NALCN: variants seen among roughly 807,000 people sequenced by gnomAD.
The protein encoded by NALCN is sodium leak channel NALCN.
Under a neutral mutation model 225.3 loss-of-function variants are expected in NALCN, and 111 were observed. That is an observed-to-expected ratio of 0.49 (90% CI 0.42 to 0.58). NALCN has a LOEUF of 0.58. NALCN is among the 20% of genes least tolerant of loss of function. The pLI is 0.00. For synonymous variants in NALCN, 764 were observed against 769.0 expected, an observed-to-expected ratio of 0.99 and a Z score of 0.11; for missense variants, 1,378 against 2,202.4, an observed-to-expected ratio of 0.63 and a Z score of 7.49.
At chr13:101,413,496 A>G (rs551163261) in intron 1 of NALCN, among the ~76,000 whole-genome samples, 38 of 152,082 alleles carry the variant, frequency 2.5e-4, no homozygotes, top group African/African-American at 8.7e-4. Flanking sequence ...TTATACAGCC[A>G]TTTACAATTT....
intron 6 of NALCN, among the ~76,000 whole-genome samples, chr13:101,363,991 A>G (rs1361435836): frequency 1.3e-5 from 2 of 152,152 alleles, no homozygotes; most frequent in Non-Finnish European, 2.9e-5. Context: ...GGTTAACATC[A>G]CTAATCATCA....
intron 6 of NALCN, among the ~76,000 whole-genome samples, chr13:101,347,140 T>TACACACAC (rs56838607): frequency 0.052 from 7,746 of 149,476 alleles, 232 homozygotes; most frequent in Admixed American, 0.085. Flanking sequence ...TACATAGTTT[T>TACACACAC]ACACACACAC....
At chr13:101,190,004 T>C (rs1217687816) in intron 14 of NALCN, among the ~76,000 whole-genome samples, 2 of 152,152 alleles carry the variant, frequency 1.3e-5, no homozygotes, top group Non-Finnish European at 2.9e-5. Flanking sequence ...AAGAAGGCTA[T>C]ATACCAGTTT....
At position 101,055,254 on chromosome 13, in the gene NALCN, A is replaced by G; in HGVS notation, c.*41T>C. ...GGACAATCAAGGACATTATTAGAAAACGGTTTCCACCACTAGAAATTCATC... is the reference window on the plus strand; with the variant it reads ...GGACAATCAAGGACATTATTAGAAAGCGGTTTCCACCACTAGAAATTCATC... On this transcript the variant is annotated 3_prime_UTR_variant, in exon 44 of 44. Coordinates refer to ENST00000251127, the MANE Select transcript of NALCN (RefSeq NM_052867.4). 1 of 1,519,230 alleles carries G rather than the reference A, an allele frequency of 6.6e-7. No individual in the cohort carries two copies. Among genetic ancestry groups the G allele is most frequent in the South Asian group, 1.2e-5 (1 of 84,976 alleles). 94.1% of individuals were successfully genotyped at this position (1,519,230 alleles called of 1,614,324 possible).
chr13:101,325,268 A>C (rs902942743), intron 7 of NALCN, among the ~76,000 whole-genome samples: 1 of 152,208 alleles, frequency 6.6e-6, no homozygotes, highest in East Asian at 1.9e-4. Flanking sequence ...AACCTAGTAC[A>C]CTTGAGCTGT....
In NALCN at chr13:101,174,879, A is replaced by G. The variant is rs568696714; in HGVS notation, c.1839+1421T>C. Reference sequence around the variant, plus strand: ...CATATCTGTGCATAATAACCATGGCATGAAGGAAAAGTGACAGCTCAATAC... The same window carrying G: ...CATATCTGTGCATAATAACCATGGCGTGAAGGAAAAGTGACAGCTCAATAC... On this transcript the variant is annotated intron_variant, in intron 15 of 43. Transcript: ENST00000251127. Among the ~76,000 whole-genome samples the G allele has an allele frequency of 9.8e-4, 150 of 152,342 alleles. 1 individual carries two copies. Among genetic ancestry groups the G allele is most frequent in the Non-Finnish European group, 1.6e-3 (108 of 68,034 alleles).
At chr13:101,326,117 T>C (rs1017679540) in intron 7 of NALCN, among the ~76,000 whole-genome samples, 2 of 152,220 alleles carry the variant, frequency 1.3e-5, no homozygotes, top group African/African-American at 4.8e-5. Flanking sequence ...TGTTTTAAGC[T>C]AGACAAAAAT....
chr13:101,357,320 AAGCAACTTC>A (rs565611095), intron 6 of NALCN, among the ~76,000 whole-genome samples: 236 of 152,300 alleles, frequency 1.5e-3, no homozygotes, highest in Non-Finnish European at 2.9e-3. Context: ...TTAACCTGAT[AAGCAACTTC>A]AGCAAATCTC....
At chr13:101,157,035 T>C (rs950099919) in intron 15 of NALCN, among the ~76,000 whole-genome samples, 1 of 152,116 alleles carries the variant, frequency 6.6e-6, no homozygotes, top group African/African-American at 2.4e-5. Flanking sequence ...CAAGTGGAAA[T>C]AGGGATAACA....
chr13:101,159,442 T>C (rs1392340347), intron 15 of NALCN, among the ~76,000 whole-genome samples: 1 of 152,172 alleles, frequency 6.6e-6, no homozygotes, highest in African/African-American at 2.4e-5. Flanking sequence ...ACATGTTGCC[T>C]ATGCTGGGGA....
chr13:101,250,391 C>T (rs1313545606), intron 11 of NALCN, among the ~76,000 whole-genome samples: 1 of 151,978 alleles, frequency 6.6e-6, no homozygotes, highest in Non-Finnish European at 1.5e-5. Context: ...TAAAGGATAG[C>T]ACTTATGACA....
intron 15 of NALCN, among the ~76,000 whole-genome samples, chr13:101,154,900 A>G (rs548156028): frequency 6.6e-6 from 1 of 152,346 alleles, no homozygotes; most frequent in East Asian, 1.9e-4. Flanking sequence ...TTCTATTAGA[A>G]ACAAAATCAC....
At chr13:101,206,458 AC>A (rs1195507292) in intron 13 of NALCN, among the ~76,000 whole-genome samples, 1 of 152,084 alleles carries the variant, frequency 6.6e-6, no homozygotes, top group Non-Finnish European at 1.5e-5. Flanking sequence ...AAAATATTTT[AC>A]AAGTCAAAAA....
intron 7 of NALCN, among the ~76,000 whole-genome samples, chr13:101,300,306 T>C (rs961650709): frequency 2.0e-5 from 3 of 151,072 alleles, no homozygotes; most frequent in African/African-American, 7.3e-5. Flanking sequence ...CTTCCCTCCT[T>C]CTTCTTCTTC....
chr13:101,226,516 G>A (rs1426128999), intron 13 of NALCN, among the ~76,000 whole-genome samples: 1 of 152,128 alleles, frequency 6.6e-6, no homozygotes, highest in Non-Finnish European at 1.5e-5. Context: ...GGAAAAGATG[G>A]CCAGCTGATC....
chr13:101,114,638 A>G (rs572921275), intron 18 of NALCN, among the ~76,000 whole-genome samples: 2 of 152,328 alleles, frequency 1.3e-5, no homozygotes, highest in East Asian at 1.9e-4. Context: ...GGCTCTTCCC[A>G]TTCAAGTCCA....
rs144305958 is a variant in NALCN, at chr13:101,107,663, G to A, written c.2456+35C>T. ...GGCTAAGGGAAATTTTGCCATTCCC[G>A]AATGAGAGCCATGGGACACTGCAGC... On this transcript the variant is annotated intron_variant, in intron 21 of 43. Transcript: ENST00000251127. 466 of 1,613,844 alleles carry A rather than the reference G, an allele frequency of 2.9e-4. 1 individual carries two copies. In the African/African-American group the frequency reaches 3.2e-3, roughly 11 times the overall value.
intron 7 of NALCN, among the ~76,000 whole-genome samples, chr13:101,295,364 A>C (rs1046717055): frequency 2.6e-5 from 4 of 152,224 alleles, no homozygotes; most frequent in African/African-American, 9.6e-5. Context: ...GAAATCCACT[A>C]TTATCTACCA....
At chr13:101,170,212 T>A (rs1208377000) in intron 15 of NALCN, among the ~76,000 whole-genome samples, 1 of 152,220 alleles carries the variant, frequency 6.6e-6, no homozygotes, top group Non-Finnish European at 1.5e-5. Flanking sequence ...CACTATCTGC[T>A]CTCTTCAAGC....
Sources: gnomAD v4.1 joint callset for allele counts (sites outside exome capture counted in the v4.1 genomes callset) on GRCh38, gnomAD v4.1.1 for gene constraint, MANE v1.5 for transcripts, NCBI Gene and HGNC (gene_info 2026-07-23, HGNC 2026-07-21) for gene names.